The following NAV3 variants were observed in gnomAD, a reference collection of about 807,000 sequenced individuals.
The protein encoded by NAV3 is neuron navigator 3, also known as pore membrane and/or filament interacting like protein 1.
Under a neutral mutation model 244.7 loss-of-function variants are expected in NAV3, and 87 were observed. The observed-to-expected ratio is 0.36, with a 90% CI of 0.30 to 0.42. The LOEUF is 0.42. NAV3 is among the 20% of genes least tolerant of loss of function. The pLI is 1.00. For missense variants in NAV3, 2,663 were observed against 2,893.3 expected (o/e 0.92, Z 1.83); for synonymous variants, 1,126 against 1,042.2 (o/e 1.08, Z -1.55).
chr12:77,873,770 A>ATATATATT (rs1881425739), intron 1 of NAV3, among the ~76,000 whole-genome samples: 1 of 139,966 alleles, frequency 7.1e-6, no homozygotes, highest in Non-Finnish European at 1.6e-5. Flanking sequence ...ATATATATGT[A>ATATATATT]TATAACAGCA....
chr12:77,933,746 G>A (rs1452473331), intron 1 of NAV3, among the ~76,000 whole-genome samples: 2 of 152,180 alleles, frequency 1.3e-5, no homozygotes, highest in Non-Finnish European at 2.9e-5. Flanking sequence ...GCCTACAAGA[G>A]TCATGAGATT....
intron 5 of NAV3, among the ~76,000 whole-genome samples, chr12:77,980,667 T>G (rs375818633): frequency 6.6e-6 from 1 of 152,192 alleles, no homozygotes; most frequent in African/African-American, 2.4e-5. Context: ...AAGCTCTGAA[T>G]GTATTGAGAT....
chr12:77,664,963 T>C (rs978614036), intron 2 of NAV3, among the ~76,000 whole-genome samples: 9 of 152,142 alleles, frequency 5.9e-5, no homozygotes, highest in African/African-American at 2.2e-4. Context: ...CAGGCTGGAG[T>C]TGCAGTGGCT....
At chr12:77,592,935 T>C (rs1416096559) in intron 2 of NAV3, among the ~76,000 whole-genome samples, 1 of 152,202 alleles carries the variant, frequency 6.6e-6, no homozygotes, top group Non-Finnish European at 1.5e-5. Context: ...TCTACAAATA[T>C]CTTTTCTCAG....
chr12:77,675,368 G>A (rs1874159974), intron 2 of NAV3, among the ~76,000 whole-genome samples: 1 of 152,182 alleles, frequency 6.6e-6, no homozygotes, highest in Non-Finnish European at 1.5e-5. Flanking sequence ...TCTCCAGCAG[G>A]AGCTGAAGCT....
At chr12:77,976,643 A>ATTCT (rs759190677) in intron 5 of NAV3, among the ~76,000 whole-genome samples, 13,282 of 113,730 alleles carry the variant, frequency 0.12, 1,592 homozygotes, top group East Asian at 0.15. Flanking sequence ...TGTATACTGT[A>ATTCT]TTCTTTCTTT....
intron 2 of NAV3, among the ~76,000 whole-genome samples, chr12:77,715,990 A>G (rs35297633): frequency 0.018 from 2,719 of 152,120 alleles, 36 homozygotes; most frequent in Non-Finnish European, 0.028. Context: ...ATTTAAAGGC[A>G]AAAGGAAAGT....
chr12:78,130,948 G>A (rs1956138680), intron 18 of NAV3: 1 of 172,410 alleles, frequency 5.8e-6, no homozygotes, highest in South Asian at 1.6e-4. Context: ...AGCCTCCAAG[G>A]GCTCCTGCAC....
At chr12:77,670,137 C>T (rs1424526874) in intron 2 of NAV3, among the ~76,000 whole-genome samples, 1 of 151,868 alleles carries the variant, frequency 6.6e-6, no homozygotes, top group African/African-American at 2.4e-5. Flanking sequence ...CACAGAAATA[C>T]AAAAGATTAT....
intron 5 of NAV3, among the ~76,000 whole-genome samples, chr12:77,984,428 C>T (rs1428229869): frequency 6.6e-6 from 1 of 151,628 alleles, no homozygotes; most frequent in Non-Finnish European, 1.5e-5. Context: ...CTAAAATTCA[C>T]ACAGGATTCA....
chr12:77,725,770 T>C (rs1017200006), intron 2 of NAV3, among the ~76,000 whole-genome samples: 1 of 151,944 alleles, frequency 6.6e-6, no homozygotes, highest in African/African-American at 2.4e-5. Flanking sequence ...AATTCAGAAG[T>C]CCAAAATGGG....
chr12:78,050,145 T>G, intron 10 of NAV3, 44 bp downstream of exon 10: 2 of 1,341,962 alleles, frequency 1.5e-6, no homozygotes, highest in Non-Finnish European at 2.1e-6. Flanking sequence ...AAAGAAAAAA[T>G]AATTACAAAC....
At chr12:77,802,544 CAG>C (rs1228920911) in intron 2 of NAV3, among the ~76,000 whole-genome samples, 2 of 152,162 alleles carry the variant, frequency 1.3e-5, no homozygotes, top group Non-Finnish European at 2.9e-5. Context: ...GAAGTCCTTC[CAG>C]AGAGATTCGA....
At chr12:77,833,503 C>T (rs766352445) in intron 1 of NAV3, among the ~76,000 whole-genome samples, 12 of 152,180 alleles carry the variant, frequency 7.9e-5, no homozygotes, top group Non-Finnish European at 1.6e-4. Context: ...AGGGATCATG[C>T]AGATGGGCAG....
chr12:78,035,252 G>C (rs1369710058), intron 9 of NAV3, among the ~76,000 whole-genome samples: 1 of 152,140 alleles, frequency 6.6e-6, no homozygotes, highest in Non-Finnish European at 1.5e-5. Flanking sequence ...CTCTGAAAAT[G>C]ATGAAGATAA....
intron 9 of NAV3, among the ~76,000 whole-genome samples, chr12:78,049,773 A>G (rs1276263634): frequency 6.6e-6 from 1 of 152,228 alleles, no homozygotes; most frequent in Non-Finnish European, 1.5e-5. Flanking sequence ...AAAATATTAT[A>G]GTGTTATCAC....
intron 2 of NAV3, among the ~76,000 whole-genome samples, chr12:77,788,311 G>T (rs2135935626): frequency 6.6e-6 from 1 of 152,318 alleles, no homozygotes; most frequent in South Asian, 2.1e-4. Context: ...CAGTGCAACA[G>T]GTTTAAATGC....
intron 1 of NAV3, among the ~76,000 whole-genome samples, chr12:77,904,388 G>T (rs199789839): frequency 5.9e-5 from 9 of 151,838 alleles, no homozygotes; most frequent in Admixed American, 6.6e-5. Context: ...GCAAACTATC[G>T]CAAGGACAAA....
At chr12:78,158,941 T>C (rs1238443741) in intron 22 of NAV3, among the ~76,000 whole-genome samples, 2 of 152,166 alleles carry the variant, frequency 1.3e-5, no homozygotes, top group Non-Finnish European at 2.9e-5. Context: ...GAGTTATTAC[T>C]TGCAAAATAC....
Sources: allele counts gnomAD v4.1 joint callset (sites outside exome capture counted in the v4.1 genomes callset), GRCh38; gene constraint gnomAD v4.1.1; transcripts MANE v1.5; gene names NCBI Gene and HGNC (gene_info 2026-07-23, HGNC 2026-07-21).